Variants in MEGF11 observed in about 807,000 individuals in gnomAD.
The protein encoded by MEGF11 is multiple EGF like domains 11, also known as multiple epidermal growth factor-like domains protein 11.
In MEGF11, 126 loss-of-function variants were observed where a neutral mutation model predicts 146.6. The ratio of observed to expected loss-of-function variants is 0.86; its 90% CI spans 0.74 to 1.00. The LOEUF is 1.00. Ranked by LOEUF, MEGF11 falls within the 50% of genes least tolerant of loss-of-function variation. The probability of loss-of-function intolerance (pLI) is 0.00; values close to 1 mark genes in which losing one functional copy is unlikely to be tolerated. For missense variants in MEGF11, 1,509 were observed against 1,521.2 expected (o/e 0.99, Z 0.13); for synonymous variants, 532 against 583.4 (o/e 0.91, Z 1.27).
At chr15:66,118,508 C>T (rs919296220) in intron 4 of MEGF11, among the ~76,000 whole-genome samples, 1 of 152,152 alleles carries the variant, frequency 6.6e-6, no homozygotes, top group Non-Finnish European at 1.5e-5. Flanking sequence ...GTCTTTCATG[C>T]ACCCACCTCT....
At position 65,965,139 on chromosome 15, in the gene MEGF11, G is replaced by GGGCTGA; in HGVS notation, c.900-25_900-20dup. On this transcript the variant is annotated intron_variant, in intron 8 of 25. Transcript: ENST00000395614. ...TTGGCACCTGTGGGAGAGCAGAGTG[G>GGGCTGA]GGCTGAGGCTGTGGGCCAGGATCCC... 6.4e-7 allele frequency: 1 copy of GGGCTGA among 1,554,880 alleles called. No individual in the cohort carries two copies. Among genetic ancestry groups the GGGCTGA allele is most frequent in the East Asian group, 2.3e-5 (1 of 42,664 alleles).
At chr15:65,998,992 G>T (rs1013340238) in intron 5 of MEGF11, among the ~76,000 whole-genome samples, 1 of 152,018 alleles carries the variant, frequency 6.6e-6, no homozygotes, top group Non-Finnish European at 1.5e-5. Context: ...ATTCTGTCTA[G>T]CGGGGCCCAG....
At chr15:66,100,012 G>C (rs536742058) in intron 4 of MEGF11, among the ~76,000 whole-genome samples, 19 of 152,198 alleles carry the variant, frequency 1.2e-4, no homozygotes, top group Non-Finnish European at 2.6e-4. Flanking sequence ...GAGGAGCGTG[G>C]AATGAAAGGA....
At chr15:65,912,054 G>T (rs1048967490) in intron 21 of MEGF11, 28 bp downstream of exon 21, 83 of 1,180,760 alleles carry the variant, frequency 7.0e-5, no homozygotes, top group Non-Finnish European at 8.4e-5. Flanking sequence ...GGCAGTGAGT[G>T]GGGGCTGGGG....
Position 66,126,500 on chromosome 15 carries a change from G to T in MEGF11, c.98+1806C>A, listed in dbSNP as rs80033948. Among the ~76,000 whole-genome samples, 5 of 152,354 alleles carry T rather than the reference G, an allele frequency of 3.3e-5. No individual in the cohort carries two copies. In the East Asian group the frequency reaches 9.6e-4, roughly 29 times the overall value. Reference sequence around the variant, plus strand: ...ATTTTCACATTCCAAATGTATTCATGTTGGGCAGGTGTACAAAATTAGTGA... The same window carrying T: ...ATTTTCACATTCCAAATGTATTCATTTTGGGCAGGTGTACAAAATTAGTGA... On this transcript the variant is annotated intron_variant, in intron 2 of 25. Transcript: ENST00000395614.
intron 1 of MEGF11, among the ~76,000 whole-genome samples, chr15:66,243,161 C>T (rs75881301): frequency 0.025 from 3,864 of 152,334 alleles, 169 homozygotes; most frequent in African/African-American, 0.086. Flanking sequence ...CTCCGGATCT[C>T]GGTTTCCCCA....
At chr15:66,239,672 C>A (rs1363029117) in intron 1 of MEGF11, among the ~76,000 whole-genome samples, 1 of 152,220 alleles carries the variant, frequency 6.6e-6, no homozygotes, top group East Asian at 1.9e-4. Context: ...GCCTGCACTG[C>A]ACACTCCTCA....
At chr15:66,145,081 CA>C (rs1285023662) in intron 1 of MEGF11, among the ~76,000 whole-genome samples, 1 of 152,220 alleles carries the variant, frequency 6.6e-6, no homozygotes, top group Non-Finnish European at 1.5e-5. Context: ...TCCAGTCCCA[CA>C]GTGAAAAGCA....
intron 1 of MEGF11, among the ~76,000 whole-genome samples, chr15:66,249,976 T>G (rs2092348443): frequency 6.6e-6 from 1 of 152,244 alleles, no homozygotes; most frequent in Non-Finnish European, 1.5e-5. Context: ...GCTGGGCCCC[T>G]CTTACTGCAC....
At chr15:66,092,690 C>T (rs2086367182) in intron 5 of MEGF11, among the ~76,000 whole-genome samples, 6 of 152,304 alleles carry the variant, frequency 3.9e-5, no homozygotes, top group Admixed American at 3.9e-4. Flanking sequence ...CCCTCCAGGG[C>T]CCTCCCCACG....
At position 65,897,961 on chromosome 15, in the gene MEGF11, A is replaced by T. The variant is rs368800491; in HGVS notation, c.3396T>A (p.Asn1132Lys). 1 of 1,613,882 alleles carries T rather than the reference A, an allele frequency of 6.2e-7. No homozygotes were observed. Among genetic ancestry groups the T allele is most frequent in the African/African-American group, 1.3e-5 (1 of 74,940 alleles). ...AAGATTGCTTGTCCTGGGACGGCCC[A>T]TTGGCAGGGCTCTGTCTTACTGGGA... ...DLLPVRQSPA[N>K]GPSQDKQS Residue 1132 changes from asparagine (N) to lysine (K), a missense_variant, in exon 26 of 26, where the codon AAT becomes AAA. Coordinates refer to ENST00000395614, the MANE Select transcript of MEGF11 (RefSeq NM_001385028.1).
rs181354857 is a variant in MEGF11, at chr15:66,159,337, C to T, written c.-8-30926G>A. Among the ~76,000 whole-genome samples, 137 of 152,334 alleles carry T rather than the reference C, an allele frequency of 9.0e-4. 1 individual carries two copies. The highest frequency in any genetic ancestry group is 3.2e-3 in the African/African-American group (131 of 41,584). On this transcript the variant is annotated intron_variant, in intron 1 of 25. Coordinates refer to ENST00000395614, the MANE Select transcript of MEGF11 (RefSeq NM_001385028.1). ...CCCATCTTGAAATATTTTCCTTCCC[C>T]TCCTCTACTGCAGACCTGTACCCAG...
rs1390850503 is a variant in MEGF11 at position 65,913,954 on chromosome 15, C to T, written c.2493G>A (p.Glu831=). The T allele has an allele frequency of 6.2e-7, 1 of 1,613,860 alleles. No individual in the cohort carries two copies. Among genetic ancestry groups the T allele is most frequent in the Non-Finnish European group, 8.5e-7 (1 of 1,179,830 alleles). ...GGCTGATCTTGGTGTAGGGATTCAG[C>T]TCCTCCATCATGAGGGCAGCTGCGG... is the stretch of plus-strand genomic sequence containing the variant. ...RCDQAALMME[E]LNPYTKISPA... is the part of the protein sequence containing the mutation. Residue 831 remains glutamate, a synonymous_variant, in exon 20 of 26, where the codon GAG becomes GAA. Transcript: ENST00000395614.
At chr15:66,036,342 T>C (rs1009335440) in intron 5 of MEGF11, among the ~76,000 whole-genome samples, 7 of 152,234 alleles carry the variant, frequency 4.6e-5, no homozygotes, top group African/African-American at 1.7e-4. Flanking sequence ...ACACTGGTTC[T>C]GCCTTTGGGA....
chr15:66,225,047 C>G (rs2091822660), intron 1 of MEGF11, among the ~76,000 whole-genome samples: 1 of 152,210 alleles, frequency 6.6e-6, no homozygotes, highest in Non-Finnish European at 1.5e-5. Context: ...GTGGTCTGGC[C>G]ATTCCCGAGA....
intron 5 of MEGF11, among the ~76,000 whole-genome samples, chr15:66,039,766 G>A (rs933381605): frequency 6.7e-6 from 1 of 149,822 alleles, no homozygotes; most frequent in African/African-American, 2.5e-5. Flanking sequence ...GTCAGGCGGC[G>A]GTGGGGTGAC....
At chr15:66,136,476 C>T (rs987404868) in intron 1 of MEGF11, among the ~76,000 whole-genome samples, 6 of 152,194 alleles carry the variant, frequency 3.9e-5, no homozygotes, top group Admixed American at 6.5e-5. Flanking sequence ...CAGACATGGG[C>T]ATCAGACAAG....
intron 5 of MEGF11, among the ~76,000 whole-genome samples, chr15:65,983,949 C>T (rs942187645): frequency 6.6e-6 from 1 of 152,218 alleles, no homozygotes; most frequent in Non-Finnish European, 1.5e-5. Context: ...GGATCAGCCC[C>T]ACCAGTCCCC....
chr15:65,994,880 T>G (rs1446954405), intron 5 of MEGF11, among the ~76,000 whole-genome samples: 1 of 152,212 alleles, frequency 6.6e-6, no homozygotes, highest in Non-Finnish European at 1.5e-5. Flanking sequence ...GTGCTCCTGG[T>G]GCTTGGAGTT....
Sources: allele counts gnomAD v4.1 joint callset (sites outside exome capture counted in the v4.1 genomes callset), GRCh38; gene constraint gnomAD v4.1.1; transcripts MANE v1.5; gene names NCBI Gene and HGNC (gene_info 2026-07-23, HGNC 2026-07-21).